The following FAM163A variants were observed in gnomAD, a reference collection of about 807,000 sequenced individuals.
FAM163A encodes family with sequence similarity 163 member A.
Under a neutral mutation model 12.0 loss-of-function variants are expected in FAM163A, and 7 were observed. The ratio of observed to expected loss-of-function variants is 0.58; its 90% CI spans 0.33 to 1.10. The LOEUF (loss-of-function observed/expected upper bound fraction) is 1.10, where lower values mean the gene tolerates loss of function less well. Among genes scored for constraint, FAM163A ranks in the 50% least tolerant of loss-of-function variants. The pLI is 0.03. For synonymous variants in FAM163A, 101 were observed against 91.0 expected (o/e 1.11, Z -0.62); for missense variants, 202 against 218.6 (o/e 0.92, Z 0.48).
rs1695065177 is a variant in FAM163A at position 179,814,037 on chromosome 1, G to A, written c.352G>A (p.Gly118Arg). 4 of 1,613,492 alleles carry A rather than the reference G, an allele frequency of 2.5e-6. No individual in the cohort carries two copies. Among genetic ancestry groups the A allele is most frequent in the African/African-American group, 1.3e-5 (1 of 75,048 alleles). Residue 118 changes from glycine (G) to arginine (R), a missense_variant, in exon 5 of 5, where the codon GGA becomes AGA. By Grantham distance (125) the Gly-to-Arg change is moderately radical. Transcript: ENST00000341785. Reference sequence around the variant, plus strand: ...GGCTGACATGGTGCCCAATGGGGGTGGAGGCGAGAGGCTCTCCTTTGCTCC... The same window carrying A: ...GGCTGACATGGTGCCCAATGGGGGTAGAGGCGAGAGGCTCTCCTTTGCTCC... The part of the protein sequence containing the change: ...RTADMVPNGG[G>R]GERLSFAPTY...
chr1:179,765,462 G>T (rs150646474), intron 1 of FAM163A, among the ~76,000 whole-genome samples: 1 of 152,150 alleles, frequency 6.6e-6, no homozygotes, highest in Non-Finnish European at 1.5e-5. Flanking sequence ...AGTAAAAGAC[G>T]GTAATATTCT....
At chr1:179,779,521 C>A (rs573541802) in intron 1 of FAM163A, among the ~76,000 whole-genome samples, 1 of 152,228 alleles carries the variant, frequency 6.6e-6, no homozygotes, top group African/African-American at 2.4e-5. Flanking sequence ...CAGTGGGACC[C>A]CATTTATGGG....
intron 1 of FAM163A, among the ~76,000 whole-genome samples, chr1:179,782,531 T>C (rs1689938156): frequency 2.0e-5 from 3 of 151,964 alleles, no homozygotes; most frequent in Admixed American, 2.0e-4. Context: ...CTGGTGGGCT[T>C]TGCTCGCAGA....
chr1:179,784,895 A>G (rs1180967619), intron 1 of FAM163A, among the ~76,000 whole-genome samples: 1 of 152,126 alleles, frequency 6.6e-6, no homozygotes, highest in Non-Finnish European at 1.5e-5. Context: ...TGTCCCTTCA[A>G]TTATCTTGGG....
At chr1:179,783,736 G>A in intron 1 of FAM163A, among the ~76,000 whole-genome samples, 1 of 60,894 alleles carries the variant, frequency 1.6e-5, no homozygotes, top group South Asian at 4.4e-4. Context: ...TTATATAATT[G>A]AGCCCAAATA....
chr1:179,790,482 C>T (rs1465829611), intron 1 of FAM163A, among the ~76,000 whole-genome samples: 1 of 152,034 alleles, frequency 6.6e-6, no homozygotes, highest in Non-Finnish European at 1.5e-5. Flanking sequence ...CACTTTTAAC[C>T]CAGCACTGAG....
At chr1:179,741,380 T>C (rs911630671), upstream of FAM163A, among the ~76,000 whole-genome samples, 1 of 152,230 alleles carries the variant, frequency 6.6e-6, no homozygotes, top group African/African-American at 2.4e-5. Flanking sequence ...TTTGGCATGA[T>C]CTAATAAAAC....
At chr1:179,762,294 C>A (rs762875756) in intron 1 of FAM163A, among the ~76,000 whole-genome samples, 3 of 152,154 alleles carry the variant, frequency 2.0e-5, no homozygotes, top group Non-Finnish European at 4.4e-5. Flanking sequence ...TAAGTAGATG[C>A]CTGTAATGGG....
At chr1:179,745,423 T>C (rs557457815) in intron 1 of FAM163A, among the ~76,000 whole-genome samples, 1 of 152,218 alleles carries the variant, frequency 6.6e-6, no homozygotes, top group Non-Finnish European at 1.5e-5. Context: ...CATCAGCTGG[T>C]AACAGGGGAG....
At chr1:179,811,435 G>A (rs758990081) in intron 2 of FAM163A, among the ~76,000 whole-genome samples, 20 of 152,130 alleles carry the variant, frequency 1.3e-4, no homozygotes, top group South Asian at 8.3e-4. Context: ...CTAGGGGAAC[G>A]TCCCATGGGC....
At chr1:179,733,564 C>T in the FAM163A span, among the ~76,000 whole-genome samples, 1 of 152,112 alleles carries the variant, frequency 6.6e-6, no homozygotes, top group Non-Finnish European at 1.5e-5. Context: ...TTGATGATAC[C>T]TTAACAGAAT....
the FAM163A span, among the ~76,000 whole-genome samples, chr1:179,737,537 A>T: frequency 6.6e-6 from 1 of 152,166 alleles, no homozygotes; most frequent in Non-Finnish European, 1.5e-5. Context: ...ACGCCCCATC[A>T]AAAAAGACCA....
chr1:179,771,430 C>T (rs999097999), intron 1 of FAM163A, among the ~76,000 whole-genome samples: 2 of 152,218 alleles, frequency 1.3e-5, no homozygotes, highest in African/African-American at 2.4e-5. Flanking sequence ...TGCAGAGTTT[C>T]CATCCTACCC....
At position 179,775,023 on chromosome 1, in the gene FAM163A, C is replaced by T. The variant is rs114247867; in HGVS notation, c.-136+31600C>T. Among the ~76,000 whole-genome samples, 1,288 of 152,264 alleles carry T rather than the reference C, an allele frequency of 8.5e-3. 18 individuals are homozygous for T. The highest frequency in any genetic ancestry group is 0.03 in the African/African-American group (1,239 of 41,532). ...TGAAGCAACAAAAGAACGAAAGCAA[C>T]GATTTATTGAAAATGAAAGTACACT... On this transcript the variant is annotated intron_variant, in intron 1 of 4. Coordinates refer to ENST00000341785, the MANE Select transcript of FAM163A (RefSeq NM_173509.3).
intron 1 of FAM163A, among the ~76,000 whole-genome samples, chr1:179,757,014 A>C (rs1686111634): frequency 2.0e-5 from 3 of 152,254 alleles, no homozygotes; most frequent in Admixed American, 6.5e-5. Flanking sequence ...CAGCAAGTTT[A>C]CGCAAACATT....
chr1:179,761,425 C>A (rs186292363), intron 1 of FAM163A, among the ~76,000 whole-genome samples: 3 of 152,296 alleles, frequency 2.0e-5, no homozygotes, highest in East Asian at 3.9e-4. Context: ...TCTTTTTCTC[C>A]AGGAGGACTG....
In FAM163A at chr1:179,796,132, TACACACACAC is replaced by T. The variant is rs35899165; in HGVS notation, c.-135-11644_-135-11635del. On this transcript the variant is annotated intron_variant, in intron 1 of 4. Coordinates refer to ENST00000341785, the MANE Select transcript of FAM163A (RefSeq NM_173509.3). ...CCTTCTCCAGAGAAACATTCAATAA[TACACACACAC>T]ACACACACACACACACACACAAACT... 8.6e-3 allele frequency among the ~76,000 whole-genome samples: 1,253 copies of T among 145,442 alleles called. 26 individuals are homozygous for T. Among genetic ancestry groups the T allele is most frequent in the East Asian group, 0.085 (426 of 5,000 alleles).
chr1:179,801,088 T>C (rs981633797), intron 1 of FAM163A, among the ~76,000 whole-genome samples: 3 of 152,152 alleles, frequency 2.0e-5, no homozygotes, highest in African/African-American at 7.2e-5. Context: ...GTGAGTGTCT[T>C]CTGTATACTA....
chr1:179,765,739 T>C (rs562621969), intron 1 of FAM163A, among the ~76,000 whole-genome samples: 67 of 151,532 alleles, frequency 4.4e-4, no homozygotes, highest in African/African-American at 1.6e-3. Context: ...GACTATTGCT[T>C]AGATAGTCTT....
Sources: allele counts gnomAD v4.1 joint callset (sites outside exome capture counted in the v4.1 genomes callset), GRCh38; gene constraint gnomAD v4.1.1; transcripts MANE v1.5; gene names NCBI Gene and HGNC (gene_info 2026-07-23, HGNC 2026-07-21).